ZNF264: variants seen among roughly 807,000 people sequenced by gnomAD.
ZNF264 encodes the protein zinc finger protein 264.
Under a neutral mutation model 11.2 loss-of-function variants are expected in ZNF264, and 11 were observed. The ratio of observed to expected loss-of-function variants is 0.98; its 90% CI spans 0.62 to 1.63. The LOEUF is 1.63. Ranked by LOEUF, ZNF264 falls within the 40% of genes most tolerant of loss-of-function variation. The probability of loss-of-function intolerance (pLI) is 0.00; values close to 1 mark genes in which losing one functional copy is unlikely to be tolerated. For missense variants in ZNF264, 752 were observed against 768.1 expected (o/e 0.98, Z 0.25); for synonymous variants, 309 against 279.8 (o/e 1.10, Z -1.04).
intron 2 of ZNF264, among the ~76,000 whole-genome samples, chr19:57,197,729 C>A (rs1394650525): frequency 6.6e-6 from 1 of 151,944 alleles, no homozygotes; most frequent in Non-Finnish European, 1.5e-5. Context: ...AGGCATTGTG[C>A]CTCTTTCTTG....
chr19:57,218,432 G>T lies in ZNF264; in HGVS notation c.*5451G>T, dbSNP rs2087395515. On this transcript the variant is annotated 3_prime_UTR_variant, in exon 4 of 4. Coordinates refer to ENST00000263095, the MANE Select transcript of ZNF264 (RefSeq NM_003417.5). ...GTGTTCAGAAGTTTGGCTGTGATGT[G>T]CGTGGCATGGAAGTTTTTGGGTGTA... is the stretch of plus-strand genomic sequence containing the variant. 1 of 152,290 alleles carries T rather than the reference G, an allele frequency of 6.6e-6. No homozygotes were observed. Among genetic ancestry groups the T allele is most frequent in the Non-Finnish European group, 1.5e-5 (1 of 68,048 alleles). The allele number at this position is 152,290 out of a possible 1,614,324, so 9.4% of individuals were successfully genotyped here.
intron 2 of ZNF264, chr19:57,194,945 A>C: frequency 2.5e-6 from 1 of 394,030 alleles, no homozygotes; most frequent in Non-Finnish European, 4.5e-6. Context: ...CAGAGAAATG[A>C]AATGATGTTT....
Position 57,213,448 on chromosome 19 carries a change from C to A in ZNF264, c.*467C>A, listed in dbSNP as rs929899645. 6.4e-6 allele frequency: 1 copy of A among 156,232 alleles called. No homozygotes were observed. The highest frequency in any genetic ancestry group is 2.4e-5 in the African/African-American group (1 of 41,444). 9.7% of individuals were successfully genotyped at this position (156,232 alleles called of 1,614,324 possible). On this transcript the variant is annotated 3_prime_UTR_variant, in exon 4 of 4. Coordinates refer to ENST00000263095, the MANE Select transcript of ZNF264 (RefSeq NM_003417.5). Reference sequence around the variant, plus strand: ...ACTCTTGAGAAGCATAACTTTATGACAACTTAGGGGGCTTGAGCCATGAAA... The same window carrying A: ...ACTCTTGAGAAGCATAACTTTATGAAAACTTAGGGGGCTTGAGCCATGAAA...
rs771407251 is a variant in ZNF264 at position 57,211,637 on chromosome 19, T to C, written c.540T>C (p.Asp180=). 3.1e-6 allele frequency: 5 copies of C among 1,614,018 alleles called. No homozygotes were observed. The African/African-American group carries it at 6.7e-5, about 22-fold the overall frequency. ...GACAGGAGCAAGTCTCTCCAGGAGA[T>C]AGAGTCCGTAGCCATAACTCATGTG... The part of the protein sequence containing the change: ...RIGQEQVSPG[D]RVRSHNSCES... Residue 180 remains aspartate, a synonymous_variant, in exon 4 of 4, where the codon GAT becomes GAC. Transcript: ENST00000263095.
At position 57,216,894 on chromosome 19, in the gene ZNF264, A is replaced by T. The variant is rs2087384025; in HGVS notation, c.*3913A>T. 1.3e-5 allele frequency: 2 copies of T among 149,918 alleles called. No homozygotes were observed. Among genetic ancestry groups the T allele is most frequent in the Non-Finnish European group, 3.0e-5 (2 of 67,662 alleles). 9.3% of individuals were successfully genotyped at this position (149,918 alleles called of 1,614,324 possible). ...TTTTTTTAATAATTTGATTTGATAC[A>T]TATGTAGTGTTTTTTAGTATAGATC... On this transcript the variant is annotated 3_prime_UTR_variant, in exon 4 of 4. Transcript: ENST00000263095.
At position 57,203,324 on chromosome 19, in the gene ZNF264, C is replaced by T. The variant is rs2087267113; in HGVS notation, c.161-2073C>T. 1.3e-5 allele frequency among the ~76,000 whole-genome samples: 2 copies of T among 152,080 alleles called. 1 individual carries two copies. The highest frequency in any genetic ancestry group is 4.1e-4 in the South Asian group (2 of 4,820). On this transcript the variant is annotated intron_variant, in intron 2 of 3. Transcript: ENST00000263095. ...GTATGGTTTGGGGTTAGGTGGATTG[C>T]ACATGAAAGGCATGTGCTTGTTCCC...
At chr19:57,209,773 T>A (rs187300468) in intron 3 of ZNF264, among the ~76,000 whole-genome samples, 150 of 152,024 alleles carry the variant, frequency 9.9e-4, no homozygotes, top group African/African-American at 2.8e-3. Flanking sequence ...TTTTAAAAAA[T>A]TTTTTTTAGA....
At chr19:57,201,876 A>G (rs1198162960) in intron 2 of ZNF264, among the ~76,000 whole-genome samples, 1 of 151,768 alleles carries the variant, frequency 6.6e-6, no homozygotes, top group Non-Finnish European at 1.5e-5. Context: ...CAGCCTTCCC[A>G]TGAGCGCAGA....
chr19:57,193,271 G>T (rs2087188443), intron 1 of ZNF264, among the ~76,000 whole-genome samples: 1 of 152,208 alleles, frequency 6.6e-6, no homozygotes, highest in African/African-American at 2.4e-5. Flanking sequence ...TGATGATGGT[G>T]TTGACTGCAG....
rs199815167 is a variant in ZNF264, at chr19:57,194,031, A to G, written c.160+30A>G. The G allele has an allele frequency of 8.9e-6, 14 of 1,573,804 alleles. No individual in the cohort carries two copies. In the Admixed American group the frequency reaches 1.8e-4, roughly 21 times the overall value. ...GGCCTTCCTTCCCCCTCCACCATGC[A>G]GGTGACCTGCCACTTCCTTCATTCC... On this transcript the variant is annotated intron_variant, in intron 2 of 3. Coordinates refer to ENST00000263095, the MANE Select transcript of ZNF264 (RefSeq NM_003417.5).
At chr19:57,201,923 A>G (rs2087256189) in intron 2 of ZNF264, among the ~76,000 whole-genome samples, 1 of 151,752 alleles carries the variant, frequency 6.6e-6, no homozygotes, top group Admixed American at 6.6e-5. Flanking sequence ...ATTAATTTGT[A>G]TCTATGGGCC....
rs757741835 is a variant in ZNF264 at position 57,191,885 on chromosome 19, C to T, written c.-29C>T. On this transcript the variant is annotated 5_prime_UTR_variant, in exon 1 of 4. Transcript: ENST00000263095. ...GTCAGGCCGCCCGGGGCTCCTCTGT[C>T]CCAGCTCTGCGGCCCAGGGGGTGAC... The T allele has an allele frequency of 2.1e-6, 3 of 1,428,232 alleles. No homozygotes were observed. The highest frequency in any genetic ancestry group is 2.7e-5 in the East Asian group (1 of 36,392). 88.5% of individuals were successfully genotyped at this position (1,428,232 alleles called of 1,614,324 possible).
chr19:57,194,299 G>A (rs2087196471), intron 2 of ZNF264: 1 of 446,872 alleles, frequency 2.2e-6, no homozygotes, highest in Non-Finnish European at 3.9e-6. Context: ...TAGGAACTGA[G>A]AACCACCACG....
At position 57,212,966 on chromosome 19, in the gene ZNF264, A is replaced by G; in HGVS notation, c.1869A>G (p.Gln623=). The change falls in exon 4 of 4, where the codon CAA becomes CAG. Residue 623 remains glutamine, a synonymous_variant. Coordinates refer to ENST00000263095, the MANE Select transcript of ZNF264 (RefSeq NM_003417.5). ...AACCATACCAAAGAGAAACCCCACAAGTGTCTTCACTGTGAGAAAACCTTC... is the reference window on the plus strand; with the variant it reads ...AACCATACCAAAGAGAAACCCCACAGGTGTCTTCACTGTGAGAAAACCTTC... ...SDQPYQRETP[Q]VSSL is the part of the protein sequence containing the mutation. 1.2e-6 allele frequency: 2 copies of G among 1,608,638 alleles called. No homozygotes were observed. Among genetic ancestry groups the G allele is most frequent in the Non-Finnish European group, 8.5e-7 (1 of 1,176,364 alleles).
intron 2 of ZNF264, among the ~76,000 whole-genome samples, chr19:57,199,139 A>C (rs2074389706): frequency 6.6e-6 from 1 of 151,892 alleles, no homozygotes; most frequent in Non-Finnish European, 1.5e-5. Context: ...TATGATAGCT[A>C]TGCCTACCTT....
At position 57,212,303 on chromosome 19, in the gene ZNF264, C is replaced by T. The variant is rs966690982; in HGVS notation, c.1206C>T (p.Leu402=). ...CTGGAGAGAAGCCCTTTGAGTGCCTCGAGTGTGGGAAGGCTTTCAACCACC... is the reference window on the plus strand; with the variant it reads ...CTGGAGAGAAGCCCTTTGAGTGCCTTGAGTGTGGGAAGGCTTTCAACCACC... ...IHTGEKPFEC[L]ECGKAFNHRS... is the part of the protein sequence containing the mutation. The change falls in exon 4 of 4, where the codon CTC becomes CTT. Residue 402 remains leucine, a synonymous_variant. Coordinates refer to ENST00000263095, the MANE Select transcript of ZNF264 (RefSeq NM_003417.5). 1.1e-5 allele frequency: 17 copies of T among 1,608,830 alleles called. No homozygotes were observed. The highest frequency in any genetic ancestry group is 2.7e-5 in the African/African-American group (2 of 73,308).
At position 57,217,195 on chromosome 19, in the gene ZNF264, A is replaced by G. The variant is rs1365314278; in HGVS notation, c.*4214A>G. ...TCGCACCATTGTAAAGTCAAGTAGT[A>G]AGTCGAACCATCCTAAGTCAGGGAC... On this transcript the variant is annotated 3_prime_UTR_variant, in exon 4 of 4. Coordinates refer to ENST00000263095, the MANE Select transcript of ZNF264 (RefSeq NM_003417.5). The G allele has an allele frequency of 6.6e-6, 1 of 152,224 alleles. No individual in the cohort carries two copies. Among genetic ancestry groups the G allele is most frequent in the Non-Finnish European group, 1.5e-5 (1 of 68,040 alleles). The allele number at this position is 152,224 out of a possible 1,614,324, so 9.4% of individuals were successfully genotyped here.
At chr19:57,198,135 G>T (rs989790103) in intron 2 of ZNF264, among the ~76,000 whole-genome samples, 1 of 152,166 alleles carries the variant, frequency 6.6e-6, no homozygotes, top group East Asian at 1.9e-4. Context: ...GACAGGAATG[G>T]AGAAAAAGGC....
At chr19:57,192,678 A>T (rs763803814) in intron 1 of ZNF264, 33 of 533,124 alleles carry the variant, frequency 6.2e-5, no homozygotes, top group Non-Finnish European at 7.7e-5. Flanking sequence ...CAGCCCTTCC[A>T]GTGCCGCTCT....
Sources: allele counts gnomAD v4.1 joint callset (sites outside exome capture counted in the v4.1 genomes callset), GRCh38; gene constraint gnomAD v4.1.1; transcripts MANE v1.5; gene names NCBI Gene and HGNC (gene_info 2026-07-23, HGNC 2026-07-21).